The following LAMA5 variants were observed in gnomAD, a reference collection of about 807,000 sequenced individuals.
LAMA5 encodes the protein laminin subunit alpha 5, also known as laminin subunit alpha-5.
A neutral mutation model predicts 433.4 loss-of-function variants in LAMA5; 260 were observed. The ratio of observed to expected loss-of-function variants is 0.60; its 90% CI spans 0.54 to 0.66. LAMA5 has a LOEUF of 0.66. LAMA5 is among the 30% of genes least tolerant of loss of function. The pLI is 0.00. For missense variants in LAMA5, 5,378 were observed against 5,258.5 expected (o/e 1.02, Z -0.70); for synonymous variants, 2,620 against 2,226.6 (o/e 1.18, Z -4.97).
chr20:62,331,052 G>A lies in LAMA5; in HGVS notation c.3630C>T (p.His1210=), dbSNP rs765106926. The change falls in exon 29 of 80, where the codon CAC becomes CAT. Residue 1210 remains histidine (H), a synonymous_variant. Transcript: ENST00000252999. ...VEPRVSCISS[H]GAFGPNSAAC... ...ATTACCTGTTGGGGCCAAAGGCGCC[G>A]TGGCTGCTGATGCAGCTGACCCGGG... 11 of 1,602,050 alleles carry A rather than the reference G, an allele frequency of 6.9e-6. No homozygotes were observed. The highest frequency in any genetic ancestry group is 3.4e-5 in the Admixed American group (2 of 58,402).
rs376455173 is a variant in LAMA5 at position 62,335,223 on chromosome 20, G to C, written c.2370C>G (p.Cys790Trp). The C allele has an allele frequency of 6.2e-7, 1 of 1,612,632 alleles. No homozygotes were observed. The highest frequency in any genetic ancestry group is 1.7e-5 in the Admixed American group (1 of 59,928). Residue 790 changes from cysteine to tryptophan, a missense_variant, in exon 19 of 80, where the codon TGC becomes TGG. By Grantham distance (215) the Cys-to-Trp change is radical. Coordinates refer to ENST00000252999, the MANE Select transcript of LAMA5 (RefSeq NM_005560.6). ...CCTTGGTCCTCAGACTCACCGGCTG[G>C]CACTCAGCAACTCCACCCAGTGTGC... is the stretch of plus-strand genomic sequence containing the variant. ...LRGTLGGVAE[C>W]QPGTGQCFCK...
intron 63 of LAMA5, 44 bp downstream of exon 63, chr20:62,313,605 G>A (rs1256733119): frequency 1.2e-6 from 2 of 1,606,456 alleles, no homozygotes; most frequent in Non-Finnish European, 1.7e-6. Flanking sequence ...GCGACTCGGG[G>A]CTGCGGAGCC....
chr20:62,311,788 G>A lies in LAMA5; in HGVS notation c.9636-4C>T, dbSNP rs908386305. ...GTCATCGACATACAGCCAGACTCTG[G>A]GGGGCGGGAGGCCGGAGGCTCGGTT... On this transcript the variant is annotated splice_region_variant and splice_polypyrimidine_tract_variant and intron_variant, in intron 70 of 79. Coordinates refer to ENST00000252999, the MANE Select transcript of LAMA5 (RefSeq NM_005560.6). The A allele has an allele frequency of 1.3e-6, 2 of 1,557,504 alleles. No homozygotes were observed. The highest frequency in any genetic ancestry group is 1.7e-6 in the Non-Finnish European group (2 of 1,152,484).
intron 58 of LAMA5, 84 bp downstream of exon 58, chr20:62,315,864 C>T: frequency 3.8e-6 from 4 of 1,058,070 alleles, no homozygotes; most frequent in Non-Finnish European, 5.5e-6. Flanking sequence ...ACAGTGAGTG[C>T]TCACCAACCA....
Position 62,324,473 on chromosome 20 carries a change from C to G in LAMA5, c.5611G>C (p.Asp1871His). ...CVPCQCHGHS[D>H]RCLPGSGVCV... ...ACGCCAGAGCCAGGGAGGCAGCGGT[C>G]TGAGTGTCCATGGCACTGACAAGGG... Residue 1871 changes from aspartate (D) to histidine (H), a missense_variant, in exon 42 of 80, where the codon GAC becomes CAC. Asp to His is a moderately conservative substitution (Grantham distance 81). Transcript: ENST00000252999. This position sits in a 1 kb window ranked among gnomAD's most constrained non-coding sequence, Gnocchi z 4.4. The G allele has an allele frequency of 6.2e-7, 1 of 1,612,374 alleles. No homozygotes were observed. The highest frequency in any genetic ancestry group is 1.1e-5 in the South Asian group (1 of 91,008).
chr20:62,314,560 G>A lies in LAMA5; in HGVS notation c.8362C>T (p.Arg2788Cys), dbSNP rs768518038. ...CCACCCAGCCAGCCTGGTACCTGGC[G>A]GCTGCCCATGTACATCACAAAGCGA... ...EDRFVMYMGSRQATGDYMGVS... is the reference protein window; with the variant it reads ...EDRFVMYMGSCQATGDYMGVS... Residue 2788 changes from arginine to cysteine, a missense_variant, in exon 61 of 80, where the codon CGC (arginine) becomes TGC (cysteine). Physicochemically the swap from Arg to Cys is radical, Grantham distance 180. Transcript: ENST00000252999. 44 of 1,607,638 alleles carry A rather than the reference G, an allele frequency of 2.7e-5. No individual in the cohort carries two copies. The highest frequency in any genetic ancestry group is 6.7e-5 in the Admixed American group (4 of 59,672).
In LAMA5 at chr20:62,338,331, A is replaced by G; in HGVS notation, c.1657T>C (p.Cys553Arg). 1 of 1,608,838 alleles carries G rather than the reference A, an allele frequency of 6.2e-7. No individual in the cohort carries two copies. Among genetic ancestry groups the G allele is most frequent in the Non-Finnish European group, 8.5e-7 (1 of 1,177,992 alleles). The change falls in exon 13 of 80, where the codon TGT becomes CGT. Residue 553 changes from cysteine to arginine, a missense_variant. Coordinates refer to ENST00000252999, the MANE Select transcript of LAMA5 (RefSeq NM_005560.6). ...CSSPGVADDRCDPDTGQCRCR... is the reference protein window; with the variant it reads ...CSSPGVADDRRDPDTGQCRCR... ...CTGCACTGGCCTGTGTCAGGGTCACAGCGGTCATCGGCCACTCCAGGGCTG... is the reference window on the plus strand; with the variant it reads ...CTGCACTGGCCTGTGTCAGGGTCACGGCGGTCATCGGCCACTCCAGGGCTG...
chr20:62,315,005 C>A (rs1357643782), intron 59 of LAMA5, 23 bp downstream of exon 59: 7 of 1,578,040 alleles, frequency 4.4e-6, no homozygotes, highest in Non-Finnish European at 6.0e-6. Context: ...CCATCAGGGG[C>A]ACCGCGAGGG....
chr20:62,324,413 C>A lies in LAMA5; in HGVS notation c.5643+28G>T. 1 of 1,559,014 alleles carries A rather than the reference C, an allele frequency of 6.4e-7. No homozygotes were observed. The highest frequency in any genetic ancestry group is 2.3e-5 in the East Asian group (1 of 44,140). ...TGACTGTGCCTTCAGTGAATGCTGC[C>A]CCCCTGGCCCCACCAGCCCCTACTC... On this transcript the variant is annotated intron_variant, in intron 42 of 79. Coordinates refer to ENST00000252999, the MANE Select transcript of LAMA5 (RefSeq NM_005560.6). The surrounding 1 kb of genome is among the most constrained non-coding windows in gnomAD (Gnocchi z 4.4).
chr20:62,350,011 G>A (rs906282328), intron 6 of LAMA5, among the ~76,000 whole-genome samples: 11 of 151,648 alleles, frequency 7.3e-5, no homozygotes, highest in Non-Finnish European at 1.3e-4. Flanking sequence ...AATGTTTTGG[G>A]ACACTGGTGG....
intron 46 of LAMA5, 90 bp downstream of exon 46, chr20:62,322,568 C>A (rs1978457355): frequency 5.7e-6 from 8 of 1,406,688 alleles, no homozygotes; most frequent in Middle Eastern, 2.4e-4. Flanking sequence ...TCAAACACTG[C>A]CCCTCAGCCC....
rs1987014019 is a variant in LAMA5 at position 62,317,004 on chromosome 20, G to C, written c.7531C>G (p.Gln2511Glu). The change falls in exon 56 of 80, where the codon CAG becomes GAG. Residue 2511 changes from glutamine to glutamate, a missense_variant. Physicochemically the swap from Gln to Glu is conservative, Grantham distance 29. Coordinates refer to ENST00000252999, the MANE Select transcript of LAMA5 (RefSeq NM_005560.6). ...ATGGCCCTCTGGGTGAGGCGGTCCT[G>C]GTTGACGTCCAGGATGATGCTGCAG... ...NLSSIILDVN[Q>E]DRLTQRAIEA... The C allele has an allele frequency of 6.5e-7, 1 of 1,540,886 alleles. No individual in the cohort carries two copies. The highest frequency in any genetic ancestry group is 1.4e-5 in the African/African-American group (1 of 72,748).
chr20:62,329,304 G>T, intron 32 of LAMA5, 51 bp from the exon 33 acceptor site: 1 of 1,416,564 alleles, frequency 7.1e-7, no homozygotes, highest in Non-Finnish European at 9.9e-7. Flanking sequence ...CCTGCAGCGG[G>T]GAGGCCCCCA....
rs1181088702 is a variant in LAMA5, at chr20:62,314,570, G to A, written c.8352C>T (p.Tyr2784=). ...AGCCTGGTACCTGGCGGCTGCCCAT[G>A]TACATCACAAAGCGATCCTCGGTAC... ...GQGTEDRFVM[Y]MGSRQATGDY... The change falls in exon 61 of 80, where the codon TAC becomes TAT. Residue 2784 remains tyrosine, a synonymous_variant. Transcript: ENST00000252999. 1.9e-6 allele frequency: 3 copies of A among 1,610,384 alleles called. No homozygotes were observed. Among genetic ancestry groups the A allele is most frequent in the Middle Eastern group, 1.7e-4 (1 of 6,048 alleles).
chr20:62,312,319 G>A lies in LAMA5; in HGVS notation c.9361-3C>T. 6.2e-7 allele frequency: 1 copy of A among 1,608,506 alleles called. No individual in the cohort carries two copies. The highest frequency in any genetic ancestry group is 8.5e-7 in the Non-Finnish European group (1 of 1,179,308). ...TGGAAAGTCATGGCGCGCCCCACCT[G>A]CGGGGAGGCCATCCCTGAGTGCCCG... On this transcript the variant is annotated splice_polypyrimidine_tract_variant and splice_region_variant and intron_variant, in intron 68 of 79. Coordinates refer to ENST00000252999, the MANE Select transcript of LAMA5 (RefSeq NM_005560.6).
Position 62,316,764 on chromosome 20 carries a change from G to A in LAMA5, c.7663C>T (p.Arg2555Trp), listed in dbSNP as rs780741318. 1.6e-5 allele frequency: 25 copies of A among 1,604,826 alleles called. No homozygotes were observed. Among genetic ancestry groups the A allele is most frequent in the Middle Eastern group, 1.8e-4 (1 of 5,592 alleles). Reference sequence around the variant, plus strand: ...TGGGCTCGGTCCACCAGGCCCTGCCGCACCACCGTCTGTGGATGCCAGGGC... The same window carrying A: ...TGGGCTCGGTCCACCAGGCCCTGCCACACCACCGTCTGTGGATGCCAGGGC... Reference protein sequence around the residue: ...QADHTWATVVRQGLVDRAQQL... With the variant: ...QADHTWATVVWQGLVDRAQQL... The change falls in exon 57 of 80, where the codon CGG (arginine) becomes TGG (tryptophan). Residue 2555 changes from arginine (R) to tryptophan (W), a missense_variant. Physicochemically the swap from Arg to Trp is moderately radical, Grantham distance 101. Transcript: ENST00000252999.
rs1226703324 is a variant in LAMA5 at position 62,351,971 on chromosome 20, T to C, written c.796A>G (p.Thr266Ala). 1.2e-6 allele frequency: 2 copies of C among 1,612,374 alleles called. No homozygotes were observed. The highest frequency in any genetic ancestry group is 1.7e-6 in the Non-Finnish European group (2 of 1,179,858). ...ATNVRLRFLR[T>A]NTLLGHLMGK... is the part of the protein sequence containing the mutation. ...ATGAGATGGCCCAGCAGCGTGTTGG[T>C]ACGCAGGAAGCGCAGGCGGACGTTG... Residue 266 changes from threonine (T) to alanine (A), a missense_variant, in exon 5 of 80, where the codon ACC becomes GCC. Physicochemically the swap from Thr to Ala is moderately conservative, Grantham distance 58 (BLOSUM62 0). Transcript: ENST00000252999.
chr20:62,337,751 C>A, intron 15 of LAMA5, 24 bp from the exon 16 acceptor site: 1 of 1,607,292 alleles, frequency 6.2e-7, no homozygotes, highest in Non-Finnish European at 8.5e-7. Flanking sequence ...TAGCTGTGGG[C>A]ACGCAGTGGA....
In LAMA5 at chr20:62,328,021, G is replaced by A. The variant is rs1411405053; in HGVS notation, c.4653-11C>T. 1.9e-6 allele frequency: 3 copies of A among 1,610,810 alleles called. No individual in the cohort carries two copies. The highest frequency in any genetic ancestry group is 2.5e-6 in the Non-Finnish European group (3 of 1,179,686). ...ACGTTGGGTCTGCACCTGTGGCAGG[G>A]GCGGGAGCTGAGCCCCCTCCACCCC... is the stretch of plus-strand genomic sequence containing the variant. On this transcript the variant is annotated splice_polypyrimidine_tract_variant and intron_variant, in intron 35 of 79. Transcript: ENST00000252999.
Sources: gnomAD v4.1 joint callset for allele counts (sites outside exome capture counted in the v4.1 genomes callset) on GRCh38, gnomAD v4.1.1 for gene constraint, Gnocchi (gnomAD v3.1) non-coding constraint, MANE v1.5 for transcripts, NCBI Gene and HGNC (gene_info 2026-07-23, HGNC 2026-07-21) for gene names.